The following CRB1 variants were observed in gnomAD, a reference collection of about 807,000 sequenced individuals.
CRB1 encodes crumbs cell polarity complex component 1.
In CRB1, 83 loss-of-function variants were observed where a neutral mutation model predicts 120.0. That is an observed-to-expected ratio of 0.69 (90% CI 0.58 to 0.83). CRB1 has a LOEUF of 0.83. Ranked by LOEUF, CRB1 falls within the 40% of genes least tolerant of loss-of-function variation. The pLI is 0.00. For synonymous variants in CRB1, 625 were observed against 612.5 expected (o/e 1.02, Z -0.30); for missense variants, 1,699 against 1,687.6 (o/e 1.01, Z -0.12).
At chr1:197,236,492 C>T in the CRB1 span, among the ~76,000 whole-genome samples, 6 of 152,152 alleles carry the variant, frequency 3.9e-5, no homozygotes, top group African/African-American at 1.4e-4. Context: ...AGCCACTGCG[C>T]TCGGCCAGCT....
chr1:197,441,745 G>A (rs949145094), intron 10 of CRB1: 1 of 135,092 alleles, frequency 7.4e-6, no homozygotes, highest in Non-Finnish European at 1.5e-5. Context: ...GATCCTGATA[G>A]CCTGAATGTA....
At chr1:197,361,200 CTT>C (rs201042582) in intron 5 of CRB1, among the ~76,000 whole-genome samples, 1 of 143,078 alleles carries the variant, frequency 7.0e-6, no homozygotes. Context: ...CTTTCTCTCT[CTT>C]TTTTTTTTTG....
intron 5 of CRB1, among the ~76,000 whole-genome samples, chr1:197,364,369 T>C (rs1660952201): frequency 6.6e-6 from 1 of 152,262 alleles, no homozygotes; most frequent in Admixed American, 6.5e-5. Context: ...GTTAACTTAT[T>C]TGGGTTTATC....
chr1:197,215,499 A>G, the CRB1 span, among the ~76,000 whole-genome samples: 2 of 151,564 alleles, frequency 1.3e-5, no homozygotes, highest in African/African-American at 4.9e-5. Flanking sequence ...CTGGTCTCGA[A>G]CTCCCAACCT....
chr1:197,451,095 C>T (rs976167337), intron 11 of CRB1, among the ~76,000 whole-genome samples: 2 of 151,966 alleles, frequency 1.3e-5, no homozygotes, highest in Non-Finnish European at 2.9e-5. Flanking sequence ...TTGATTTGCA[C>T]CAAACAGGAC....
the CRB1 span, among the ~76,000 whole-genome samples, chr1:197,247,072 A>G: frequency 2.6e-5 from 4 of 152,054 alleles, no homozygotes; most frequent in Non-Finnish European, 5.9e-5. Flanking sequence ...AGGTATATAT[A>G]CAGTTTTCAG....
intron 5 of CRB1, among the ~76,000 whole-genome samples, chr1:197,374,766 A>G (rs1475965346): frequency 1.3e-5 from 2 of 152,196 alleles, no homozygotes; most frequent in East Asian, 3.8e-4. Flanking sequence ...TTGAATTGAA[A>G]TGATGTCATT....
intron 11 of CRB1, 86 bp from the exon 12 acceptor site, chr1:197,477,578 T>C (rs771977025): frequency 7.9e-6 from 10 of 1,272,592 alleles, no homozygotes; most frequent in East Asian, 2.3e-5. Context: ...CTCTGGTTGG[T>C]CTTCATTCCT....
chr1:197,453,895 A>G (rs1666134025), intron 11 of CRB1, among the ~76,000 whole-genome samples: 1 of 134,394 alleles, frequency 7.4e-6, no homozygotes, highest in South Asian at 2.2e-4. Flanking sequence ...TATTAATATT[A>G]TTATATTATT....
upstream of CRB1, chr1:197,268,196 C>A (rs1358632642): frequency 1.9e-5 from 10 of 515,874 alleles, no homozygotes; most frequent in Admixed American, 3.2e-5. Context: ...TTTGAAAAAT[C>A]ACCCCATCCT....
At chr1:197,476,230 C>T (rs1667189677) in intron 11 of CRB1, among the ~76,000 whole-genome samples, 1 of 151,902 alleles carries the variant, frequency 6.6e-6, no homozygotes, top group African/African-American at 2.4e-5. Flanking sequence ...GAATTTCCTC[C>T]TTGAAGTACT....
chr1:197,283,132 ACAT>A (rs758522484), intron 1 of CRB1, among the ~76,000 whole-genome samples: 2 of 151,946 alleles, frequency 1.3e-5, no homozygotes, highest in Non-Finnish European at 2.9e-5. Flanking sequence ...AAAAATAAAC[ACAT>A]CAGGATGTCA....
chr1:197,292,371 T>C (rs1184102623), intron 1 of CRB1, among the ~76,000 whole-genome samples: 1 of 152,056 alleles, frequency 6.6e-6, no homozygotes, highest in African/African-American at 2.4e-5. Context: ...GGAAGTTGAA[T>C]CCCTGAATAG....
rs566241188 is a variant in CRB1, at chr1:197,332,145, A to T, written c.652+3142A>T. Among the ~76,000 whole-genome samples the T allele has an allele frequency of 1.1e-4, 17 of 152,120 alleles. No individual in the cohort carries two copies. In the South Asian group the frequency reaches 1.2e-3, roughly 11 times the overall value. ...ACAGGGTGAGACCCTGTCTCAAAAA[A>T]ACAAAAAACAAAAAACAAAACAAAC... is the stretch of plus-strand genomic sequence containing the variant. On this transcript the variant is annotated intron_variant, in intron 2 of 11. Coordinates refer to ENST00000367400, the MANE Select transcript of CRB1 (RefSeq NM_201253.3).
rs532922896 is a variant in CRB1, at chr1:197,344,594, A to G, written c.848+118A>G. 9.4e-5 allele frequency: 84 copies of G among 898,274 alleles called. 1 individual carries two copies. In the South Asian group the frequency reaches 1.1e-3, roughly 12 times the overall value. 55.6% of individuals were successfully genotyped at this position (898,274 alleles called of 1,614,324 possible). A position where few individuals can be genotyped will look rare whatever the true frequency, so the allele number is the denominator to read the frequency against. On this transcript the variant is annotated intron_variant, in intron 3 of 11. Transcript: ENST00000367400. ...GGCTTAAAATTTGGGGTGTAACTTT[A>G]TACTTTAACTGATGAAAACATTCAG...
intron 11 of CRB1, among the ~76,000 whole-genome samples, chr1:197,462,255 T>C (rs976538983): frequency 1.3e-5 from 2 of 152,170 alleles, no homozygotes; most frequent in African/African-American, 4.8e-5. Flanking sequence ...TCCTCATCAA[T>C]TGGCATTTAT....
the CRB1 span, among the ~76,000 whole-genome samples, chr1:197,251,213 C>A: frequency 6.6e-6 from 1 of 151,920 alleles, no homozygotes; most frequent in Non-Finnish European, 1.5e-5. Context: ...ATTTTGGTTT[C>A]CTTACCTGTA....
intron 5 of CRB1, among the ~76,000 whole-genome samples, chr1:197,385,331 A>G (rs573301449): frequency 1.3e-5 from 2 of 152,272 alleles, no homozygotes; most frequent in South Asian, 4.1e-4. Flanking sequence ...AACAATGTAA[A>G]TAGACAAATG....
At chr1:197,446,112 C>T (rs1665687191) in intron 11 of CRB1, among the ~76,000 whole-genome samples, 1 of 151,932 alleles carries the variant, frequency 6.6e-6, no homozygotes, top group South Asian at 2.1e-4. Flanking sequence ...ATCACTTTAA[C>T]CCGGGAGGTG....
Sources: gnomAD v4.1 joint callset for allele counts (sites outside exome capture counted in the v4.1 genomes callset) on GRCh38, gnomAD v4.1.1 for gene constraint, MANE v1.5 for transcripts, NCBI Gene and HGNC (gene_info 2026-07-23, HGNC 2026-07-21) for gene names.